Variants in PAICS observed in about 807,000 individuals in gnomAD.
The protein encoded by PAICS is bifunctional phosphoribosylaminoimidazole carboxylase/phosphoribosylaminoimidazole succinocarboxamide synthetase.
PAICS carries 33 observed loss-of-function variants against 53.7 expected under a neutral mutation model. That is an observed-to-expected ratio of 0.61 (90% CI 0.47 to 0.82). PAICS has a LOEUF of 0.82. Among genes scored for constraint, PAICS ranks in the 40% least tolerant of loss-of-function variants. PAICS has a pLI of 0.00. For missense variants in PAICS, 394 were observed against 494.1 expected, an observed-to-expected ratio of 0.80 and a Z score of 1.92; for synonymous variants, 141 against 167.2, an observed-to-expected ratio of 0.84 and a Z score of 1.21.
At chr4:56,441,943 G>C (rs1718367564) in intron 2 of PAICS, 83 bp downstream of exon 2, 1 of 917,882 alleles carries the variant, frequency 1.1e-6, no homozygotes. Flanking sequence ...GCATTAATAT[G>C]AACAACTTGT....
chr4:56,429,733 C>G, the PAICS span, among the ~76,000 whole-genome samples: 1 of 152,138 alleles, frequency 6.6e-6, no homozygotes, highest in African/African-American at 2.4e-5. Flanking sequence ...CACACCAAAT[C>G]CACCATTCAG....
At chr4:56,413,778 T>G in the PAICS span, among the ~76,000 whole-genome samples, 61 of 152,138 alleles carry the variant, frequency 4.0e-4, no homozygotes, top group East Asian at 0.01. Flanking sequence ...GCACCTGTAA[T>G]CCCAGCTACT....
rs1719605499 is a variant in PAICS at position 56,464,198 on chromosome 4, C to A, written c.*4660C>A. The A allele has an allele frequency of 6.6e-6, 1 of 152,122 alleles. No individual in the cohort carries two copies. The highest frequency in any genetic ancestry group is 2.4e-5 in the African/African-American group (1 of 41,426). The allele number at this position is 152,122 out of a possible 1,614,324, so 9.4% of individuals were successfully genotyped here. On this transcript the variant is annotated 3_prime_UTR_variant, in exon 9 of 9. Coordinates refer to ENST00000512576, the MANE Select transcript of PAICS (RefSeq NM_001079524.2). ...CCAATTTCTCATAATCTGTACATATCCTATTGGTTCTGTATTTTTTAGAGA... is the reference window on the plus strand; with the variant it reads ...CCAATTTCTCATAATCTGTACATATACTATTGGTTCTGTATTTTTTAGAGA...
At chr4:56,419,586 A>G in the PAICS span, 13 of 771,618 alleles carry the variant, frequency 1.7e-5, no homozygotes, top group African/African-American at 1.9e-4. Flanking sequence ...TATAATGCAT[A>G]TATCTTTTAC....
the PAICS span, chr4:56,410,681 T>TA: frequency 3.3e-5 from 33 of 986,458 alleles, no homozygotes; most frequent in Non-Finnish European, 3.9e-5. Flanking sequence ...ATACAGAGAC[T>TA]GGAAACAGTG....
rs1189942908 is a variant in PAICS, at chr4:56,459,758, TCTTA to T, written c.*224_*227del. The T allele has an allele frequency of 2.3e-6, 1 of 436,754 alleles. No individual in the cohort carries two copies. The highest frequency in any genetic ancestry group is 3.8e-5 in the Admixed American group (1 of 26,406). 27.1% of individuals were successfully genotyped at this position (436,754 alleles called of 1,614,324 possible). ...TATTTCAGCCAGCCTTTATCATTCC[TCTTA>T]CTTTATCCTTTTTCCTTAAGTATTG... is the stretch of plus-strand genomic sequence containing the variant. On this transcript the variant is annotated 3_prime_UTR_variant, in exon 9 of 9. Coordinates refer to ENST00000512576, the MANE Select transcript of PAICS (RefSeq NM_001079524.2).
At chr4:56,413,595 A>G in the PAICS span, among the ~76,000 whole-genome samples, 20 of 152,268 alleles carry the variant, frequency 1.3e-4, no homozygotes, top group Admixed American at 3.9e-4. Flanking sequence ...TCCAAATTTG[A>G]TAAGTAAATA....
At chr4:56,449,394 T>C (rs533631332) in intron 5 of PAICS, among the ~76,000 whole-genome samples, 1 of 152,150 alleles carries the variant, frequency 6.6e-6, no homozygotes, top group South Asian at 2.1e-4. Flanking sequence ...TATGAAGAAA[T>C]AGGAACGCTT....
At chr4:56,428,620 A>C in the PAICS span, among the ~76,000 whole-genome samples, 1 of 152,170 alleles carries the variant, frequency 6.6e-6, no homozygotes, top group Non-Finnish European at 1.5e-5. Flanking sequence ...GTAACTTTGG[A>C]ATTGACATTA....
Position 56,463,669 on chromosome 4 carries a change from G to A in PAICS, c.*4131G>A, listed in dbSNP as rs1719588763. On this transcript the variant is annotated 3_prime_UTR_variant, in exon 9 of 9. Coordinates refer to ENST00000512576, the MANE Select transcript of PAICS (RefSeq NM_001079524.2). ...GATCGAACCATTGCACTCCAGCCTGGGCAACAAGAGCGAAAATCTGTCGCC... is the reference window on the plus strand; with the variant it reads ...GATCGAACCATTGCACTCCAGCCTGAGCAACAAGAGCGAAAATCTGTCGCC... 1.4e-5 allele frequency: 2 copies of A among 147,634 alleles called. No homozygotes were observed. Among genetic ancestry groups the A allele is most frequent in the African/African-American group, 5.1e-5 (2 of 39,590 alleles). 9.1% of individuals were successfully genotyped at this position (147,634 alleles called of 1,614,324 possible).
intron 5 of PAICS, 66 bp from the exon 6 acceptor site, chr4:56,450,553 C>G: frequency 6.9e-6 from 6 of 870,526 alleles, no homozygotes; most frequent in Non-Finnish European, 1.1e-5. Context: ...CCCCAAAACT[C>G]AGAAACCAAA....
At chr4:56,453,348 C>T (rs1719011025) in intron 7 of PAICS, among the ~76,000 whole-genome samples, 1 of 152,068 alleles carries the variant, frequency 6.6e-6, no homozygotes, top group South Asian at 2.1e-4. Context: ...CCTGCTATCC[C>T]CTTTATAATG....
chr4:56,433,251 T>C (rs1370935470), upstream of PAICS, among the ~76,000 whole-genome samples: 1 of 151,906 alleles, frequency 6.6e-6, no homozygotes, highest in Non-Finnish European at 1.5e-5. Context: ...AATGTTAAAT[T>C]GTTTTTCAGT....
At chr4:56,426,377 G>T in the PAICS span, among the ~76,000 whole-genome samples, 107 of 152,066 alleles carry the variant, frequency 7.0e-4, 1 homozygote, top group South Asian at 0.021. Flanking sequence ...ACTCCAGCCT[G>T]GGCGACTGAG....
At chr4:56,416,191 T>C in the PAICS span, among the ~76,000 whole-genome samples, 1 of 152,208 alleles carries the variant, frequency 6.6e-6, no homozygotes, top group South Asian at 2.1e-4. Flanking sequence ...ATGGAAAAAA[T>C]TAGATTTCTC....
chr4:56,426,233 T>C, the PAICS span, among the ~76,000 whole-genome samples: 1 of 152,026 alleles, frequency 6.6e-6, no homozygotes. Flanking sequence ...AAACCCCATC[T>C]CTACTAAAAA....
chr4:56,445,952 G>A (rs1482094177), intron 2 of PAICS, among the ~76,000 whole-genome samples: 1 of 152,184 alleles, frequency 6.6e-6, no homozygotes, highest in Non-Finnish European at 1.5e-5. Context: ...GACAGGGTAG[G>A]TTGGAAATCC....
intron 3 of PAICS, 82 bp downstream of exon 3, chr4:56,446,955 T>C (rs749917740): frequency 1.7e-5 from 15 of 887,526 alleles, no homozygotes; most frequent in Middle Eastern, 2.5e-4. Flanking sequence ...GGTTTAAATA[T>C]TCAAGCAAAG....
At chr4:56,412,372 G>C in the PAICS span, among the ~76,000 whole-genome samples, 1 of 150,610 alleles carries the variant, frequency 6.6e-6, no homozygotes, top group Non-Finnish European at 1.5e-5. Flanking sequence ...GCAGTGGTGT[G>C]ATCTTGGCTC....
Sources: gnomAD v4.1 joint callset for allele counts (sites outside exome capture counted in the v4.1 genomes callset) on GRCh38, gnomAD v4.1.1 for gene constraint, MANE v1.5 for transcripts, NCBI Gene and HGNC (gene_info 2026-07-23, HGNC 2026-07-21) for gene names.